RPLP0: variants seen among roughly 807,000 people sequenced by gnomAD.
RPLP0 encodes the protein large ribosomal subunit protein uL10.
For synonymous variants in RPLP0, 137 were observed against 153.4 expected (o/e 0.89, Z 0.79); for missense variants, 276 against 402.9 (o/e 0.69, Z 2.70).
rs115876187 is a variant in RPLP0, at chr12:120,200,936, G to A, written c.-48-105C>T. 9.6e-4 allele frequency: 1,315 copies of A among 1,364,858 alleles called. 14 individuals carry two copies. In the African/African-American group the frequency reaches 0.018, roughly 19 times the overall value. The allele number at this position is 1,364,858 out of a possible 1,614,324, so 84.5% of individuals were successfully genotyped here. On this transcript the variant is annotated intron_variant, in intron 1 of 7. Transcript: ENST00000392514. ...CGCAATCGCCCGCCGGCCCTGCCTA[G>A]GGCAGCGGCCGTCATCTCGGGGCGT...
At position 120,198,802 on chromosome 12, in the gene RPLP0, A is replaced by G. The variant is rs1188641148; in HGVS notation, c.465+52T>C. The G allele has an allele frequency of 1.2e-6, 2 of 1,611,724 alleles. No individual in the cohort carries two copies. The highest frequency in any genetic ancestry group is 1.7e-6 in the Non-Finnish European group (2 of 1,177,750). On this transcript the variant is annotated intron_variant, in intron 5 of 7. Coordinates refer to ENST00000392514, the MANE Select transcript of RPLP0 (RefSeq NM_001002.4). This position sits in a 1 kb window ranked among gnomAD's most constrained non-coding sequence, Gnocchi z 4.1. ...GACAACCAGCAGATCCATGGCCACT[A>G]AAAGCAGCTCCCCATTTGCCTGGTT...
chr12:120,200,894 A>G (rs956076843), intron 1 of RPLP0, 63 bp from the exon 2 acceptor site: 2 of 1,496,826 alleles, frequency 1.3e-6, no homozygotes, highest in African/African-American at 1.4e-5. Flanking sequence ...TCCCGGGCCT[A>G]AGAGGAGCAG....
At position 120,196,954 on chromosome 12, in the gene RPLP0, G is replaced by A; in HGVS notation, c.793-20C>T. ...CTTGACCTGAAAGGAGGGGGGAAGT[G>A]GTCAAAATGGTCATCCACACTCCTC... On this transcript the variant is annotated intron_variant, in intron 7 of 7. Coordinates refer to ENST00000392514, the MANE Select transcript of RPLP0 (RefSeq NM_001002.4). 2 of 1,612,594 alleles carry A rather than the reference G, an allele frequency of 1.2e-6. No individual in the cohort carries two copies. Among genetic ancestry groups the A allele is most frequent in the Non-Finnish European group, 1.7e-6 (2 of 1,179,768 alleles).
At chr12:120,200,685 C>A in intron 2 of RPLP0, 45 bp downstream of exon 2, 1 of 1,588,824 alleles carries the variant, frequency 6.3e-7, no homozygotes, top group South Asian at 1.1e-5. Context: ...TCCCTATTTG[C>A]GCTGGGGCAA....
In RPLP0 at chr12:120,198,386, C is replaced by CAAAA; in HGVS notation, c.651+164_651+167dup. 1.1e-5 allele frequency: 6 copies of CAAAA among 526,076 alleles called. No individual in the cohort carries two copies. Among genetic ancestry groups the CAAAA allele is most frequent in the Admixed American group, 4.2e-5 (1 of 23,666 alleles). The allele number at this position is 526,076 out of a possible 1,614,324, so 32.6% of individuals were successfully genotyped here. A position where few individuals can be genotyped will look rare whatever the true frequency, so the allele number is the denominator to read the frequency against. ...GGGCGACACAGCAAGACTCTGTCTC[C>CAAAA]AAAAAAAAAAAAAAAAAATCCTTCA... On this transcript the variant is annotated intron_variant, in intron 6 of 7. Transcript: ENST00000392514. The surrounding 1 kb of genome is among the most constrained non-coding windows in gnomAD (Gnocchi z 4.1).
chr12:120,200,414 G>A (rs1276067261), intron 2 of RPLP0: 3 of 354,066 alleles, frequency 8.5e-6, no homozygotes, highest in Non-Finnish European at 1.6e-5. Context: ...AGTAAGCCAA[G>A]ATCAAGCCAC....
intron 2 of RPLP0, 164 bp downstream of exon 2, chr12:120,200,566 C>A: frequency 1.4e-6 from 1 of 703,516 alleles, no homozygotes; most frequent in Non-Finnish European, 2.3e-6. Flanking sequence ...CGTTTATCTG[C>A]AACAGAAGGG....
At chr12:120,197,544 A>G (rs1879230299) in intron 6 of RPLP0, 82 bp from the exon 7 acceptor site, 1 of 1,514,242 alleles carries the variant, frequency 6.6e-7, no homozygotes, top group African/African-American at 1.4e-5. Flanking sequence ...GAGAACCCTT[A>G]GCAGACAATA....
Position 120,198,401 on chromosome 12 carries a change from A to G in RPLP0, c.651+153T>C. The G allele has an allele frequency of 1.2e-6, 1 of 858,388 alleles. No homozygotes were observed. The highest frequency in any genetic ancestry group is 1.8e-6 in the Non-Finnish European group (1 of 568,738). The allele number at this position is 858,388 out of a possible 1,614,324, so 53.2% of individuals were successfully genotyped here. A position where few individuals can be genotyped will look rare whatever the true frequency, so the allele number is the denominator to read the frequency against. On this transcript the variant is annotated intron_variant, in intron 6 of 7. Coordinates refer to ENST00000392514, the MANE Select transcript of RPLP0 (RefSeq NM_001002.4). The surrounding 1 kb of genome is among the most constrained non-coding windows in gnomAD (Gnocchi z 4.1). Reference sequence around the variant, plus strand: ...ACTCTGTCTCCAAAAAAAAAAAAAAAAAATCCTTCAACAATCTTATGTTGT... The same window carrying G: ...ACTCTGTCTCCAAAAAAAAAAAAAAGAAATCCTTCAACAATCTTATGTTGT...
intron 2 of RPLP0, chr12:120,200,290 C>T (rs1234945917): frequency 2.6e-5 from 9 of 344,466 alleles, no homozygotes; most frequent in Non-Finnish European, 5.2e-5. Flanking sequence ...TGGTGAATCC[C>T]TGTCTCTATT....
intron 2 of RPLP0, chr12:120,199,700 A>G: frequency 1.8e-6 from 1 of 549,266 alleles, no homozygotes. Flanking sequence ...ACATTCAATC[A>G]AGGAGTTTTT....
intron 2 of RPLP0, chr12:120,200,476 A>C: frequency 2.1e-6 from 1 of 473,026 alleles, no homozygotes; most frequent in South Asian, 2.9e-5. Flanking sequence ...AAAAAAAAGT[A>C]TAAAGCGCGC....
Position 120,200,796 on chromosome 12 carries a change from T to A in RPLP0, c.-13A>T. On this transcript the variant is annotated 5_prime_UTR_variant, in exon 2 of 8. Transcript: ENST00000392514. ...CTTCCCTGGGCATCACGGCGGTGCGTCAGGGATTGCCACGCAGGGTTTAAA... is the reference window on the plus strand; with the variant it reads ...CTTCCCTGGGCATCACGGCGGTGCGACAGGGATTGCCACGCAGGGTTTAAA... 6.2e-7 allele frequency: 1 copy of A among 1,609,898 alleles called. No homozygotes were observed. Among genetic ancestry groups the A allele is most frequent in the East Asian group, 2.2e-5 (1 of 44,790 alleles).
At chr12:120,199,994 C>T in intron 2 of RPLP0, 3 of 456,026 alleles carry the variant, frequency 6.6e-6, no homozygotes, top group South Asian at 4.6e-5. Context: ...TACAATGCTG[C>T]CTAATTGCTT....
At chr12:120,197,831 C>A (rs1305084788) in intron 6 of RPLP0, 4 of 218,456 alleles carry the variant, frequency 1.8e-5, no homozygotes, top group African/African-American at 9.0e-5. Context: ...AATGAAGCTA[C>A]CTAAGAGTAG....
Position 120,199,432 on chromosome 12 carries a change from G to A in RPLP0, c.108C>T (p.Gly36=), listed in dbSNP as rs1249554937. The change falls in exon 3 of 8, where the codon GGC becomes GGT. Residue 36 remains glycine, a synonymous_variant. Coordinates refer to ENST00000392514, the MANE Select transcript of RPLP0 (RefSeq NM_001002.4). Reference sequence around the variant, plus strand: ...TGCGGATCTGCTGCATCTGCTTGGAGCCCACATTGTCTGCTCCCACAATGA... The same window carrying A: ...TGCGGATCTGCTGCATCTGCTTGGAACCCACATTGTCTGCTCCCACAATGA... ...KCFIVGADNV[G]SKQMQQIRMS... 6.2e-7 allele frequency: 1 copy of A among 1,614,076 alleles called. No homozygotes were observed. Among genetic ancestry groups the A allele is most frequent in the Non-Finnish European group, 8.5e-7 (1 of 1,180,016 alleles).
chr12:120,200,224 G>A, intron 2 of RPLP0: 1 of 398,230 alleles, frequency 2.5e-6, no homozygotes, highest in Non-Finnish European at 5.1e-6. Flanking sequence ...TAGCACTTAG[G>A]GAGGCCGAGG....
chr12:120,199,584 C>G, intron 2 of RPLP0, 99 bp from the exon 3 acceptor site: 1 of 1,268,730 alleles, frequency 7.9e-7, no homozygotes. Flanking sequence ...ATCCCACTCC[C>G]TTTCTTCTAA....
intron 7 of RPLP0, 162 bp from the exon 8 acceptor site, chr12:120,197,096 A>C: frequency 1.6e-6 from 2 of 1,260,502 alleles, no homozygotes; most frequent in Non-Finnish European, 1.1e-6. Flanking sequence ...TGGCCTAGTG[A>C]GGCAGGGTTC....
Sources: allele counts gnomAD v4.1 joint callset, GRCh38; gene constraint gnomAD v4.1.1; non-coding constraint Gnocchi (gnomAD v3.1); transcripts MANE v1.5; gene names NCBI Gene and HGNC (gene_info 2026-07-23, HGNC 2026-07-21).